The following TXNRD1 variants were observed in gnomAD, a reference collection of about 807,000 sequenced individuals.
The protein encoded by TXNRD1 is thioredoxin reductase 1, also known as thioredoxin reductase 1, cytoplasmic.
TXNRD1 carries 57 observed loss-of-function variants against 80.3 expected under a neutral mutation model. That is an observed-to-expected ratio of 0.71 (90% CI 0.57 to 0.89). TXNRD1 has a LOEUF of 0.89. Among genes scored for constraint, TXNRD1 ranks in the 40% least tolerant of loss-of-function variants. TXNRD1 has a pLI of 0.00. For missense variants in TXNRD1, 730 were observed against 803.0 expected, an observed-to-expected ratio of 0.91 and a Z score of 1.10; for synonymous variants, 291 against 285.2, an observed-to-expected ratio of 1.02 and a Z score of -0.20.
At chr12:104,280,515 G>A (rs934948930) in intron 3 of TXNRD1, 3 of 152,142 alleles carry the variant, frequency 2.0e-5, no homozygotes, top group Non-Finnish European at 4.4e-5. Flanking sequence ...ATTTCATCTA[G>A]TCCCATGGAG....
At chr12:104,245,549 T>C (rs117567389) in intron 1 of TXNRD1, among the ~76,000 whole-genome samples, 3,387 of 62,500 alleles carry the variant, frequency 0.054, 127 homozygotes, top group East Asian at 0.21. Flanking sequence ...AAAAGAATAC[T>C]GAGTTAAAAG....
rs2035453525 is a variant in TXNRD1 at position 104,319,467 on chromosome 12, T to C, written c.874-3T>C. The C allele has an allele frequency of 6.4e-7, 1 of 1,555,556 alleles. No homozygotes were observed. The highest frequency in any genetic ancestry group is 1.4e-5 in the African/African-American group (1 of 73,620). On this transcript the variant is annotated splice_region_variant and splice_polypyrimidine_tract_variant and intron_variant, in intron 8 of 16. Transcript: ENST00000525566. Reference sequence around the variant, plus strand: ...TAAGGTTTTCATATTGGTTCCTTTGTAGGCAACAAATAATAAAGGCAAAGA... The same window carrying C: ...TAAGGTTTTCATATTGGTTCCTTTGCAGGCAACAAATAATAAAGGCAAAGA...
chr12:104,306,356 T>A (rs1232213208), intron 4 of TXNRD1, among the ~76,000 whole-genome samples: 5 of 152,238 alleles, frequency 3.3e-5, no homozygotes, highest in Non-Finnish European at 7.3e-5. Context: ...TGCCAAAAGT[T>A]TGGGTCATTA....
rs190444436 is a variant in TXNRD1 at position 104,348,763 on chromosome 12, G to A, written c.*342G>A. On this transcript the variant is annotated 3_prime_UTR_variant, in exon 17 of 17. Transcript: ENST00000525566. ...TTTCCTTGTGGATTTTCTTATTCTC[G>A]TTGTCAAGTTTTCTAGGGTTGAATT... The A allele has an allele frequency of 4.9e-4, 120 of 243,840 alleles. 1 individual carries two copies. Among genetic ancestry groups the A allele is most frequent in the African/African-American group, 1.6e-3 (71 of 44,542 alleles). 15.1% of individuals were successfully genotyped at this position (243,840 alleles called of 1,614,324 possible).
At chr12:104,287,514 T>A (rs915817252) in intron 3 of TXNRD1, 1 of 1,598,496 alleles carries the variant, frequency 6.3e-7, no homozygotes, top group African/African-American at 1.3e-5. Flanking sequence ...CTTGAGAATA[T>A]TAAGAAAGTA....
At chr12:104,232,910 A>G (rs2135685203) in intron 1 of TXNRD1, among the ~76,000 whole-genome samples, 1 of 152,330 alleles carries the variant, frequency 6.6e-6, no homozygotes, top group Admixed American at 6.5e-5. Context: ...GCAGTGTCCT[A>G]TCTCCATTGG....
chr12:104,267,655 T>C (rs1415185212), intron 3 of TXNRD1, among the ~76,000 whole-genome samples: 4 of 27,594 alleles, frequency 1.4e-4, no homozygotes, highest in Non-Finnish European at 2.1e-4. Context: ...GTATCTTTCT[T>C]TCTTTCTTTC....
chr12:104,311,373 C>T lies in TXNRD1; in HGVS notation c.498C>T (p.Ile166=), dbSNP rs2035126974. 6.2e-7 allele frequency: 1 copy of T among 1,613,606 alleles called. No homozygotes were observed. The highest frequency in any genetic ancestry group is 2.2e-5 in the East Asian group (1 of 44,874). The change falls in exon 5 of 17, where the codon ATC becomes ATT. Residue 166 remains isoleucine (I), a synonymous_variant. Transcript: ENST00000525566. ...DLPKSYDYDL[I]IIGGGSGGLA... Reference sequence around the variant, plus strand: ...CCAAGTCCTATGACTATGACCTTATCATCATTGGAGGTGGCTCAGGAGGTC... The same window carrying T: ...CCAAGTCCTATGACTATGACCTTATTATCATTGGAGGTGGCTCAGGAGGTC...
chr12:104,303,841 C>A, intron 4 of TXNRD1: 1 of 1,438,696 alleles, frequency 7.0e-7, no homozygotes. Flanking sequence ...AAAAAGCTTC[C>A]CGGAAGGGAG....
intron 1 of TXNRD1, among the ~76,000 whole-genome samples, chr12:104,230,446 T>TA (rs1254616535): frequency 6.6e-6 from 1 of 152,192 alleles, no homozygotes; most frequent in Non-Finnish European, 1.5e-5. Context: ...AGCAATGTAT[T>TA]AGAGTTCCAA....
intron 3 of TXNRD1, among the ~76,000 whole-genome samples, chr12:104,259,182 C>G (rs969114419): frequency 1.3e-5 from 2 of 151,992 alleles, no homozygotes; most frequent in Admixed American, 6.6e-5. Flanking sequence ...AGTTTGAGAC[C>G]AGCCTGGCCA....
Position 104,339,393 on chromosome 12 carries a change from G to A in TXNRD1, c.1881+120G>A, listed in dbSNP as rs574358394. On this transcript the variant is annotated intron_variant, in intron 16 of 16. Coordinates refer to ENST00000525566, the MANE Select transcript of TXNRD1 (RefSeq NM_001093771.3). ...GTTTGATGATGATTCCTCAAAAGAG[G>A]GCTTTGTCTCTAAAAATTAGTTTTT... 19 of 1,373,460 alleles carry A rather than the reference G, an allele frequency of 1.4e-5. No individual in the cohort carries two copies. In the African/African-American group the frequency reaches 2.3e-4, roughly 16 times the overall value. The allele number at this position is 1,373,460 out of a possible 1,614,324, so 85.1% of individuals were successfully genotyped here. A position where few individuals can be genotyped will look rare whatever the true frequency, so the allele number is the denominator to read the frequency against.
At chr12:104,294,618 G>A (rs1181895287) in intron 4 of TXNRD1, among the ~76,000 whole-genome samples, 1 of 152,102 alleles carries the variant, frequency 6.6e-6, no homozygotes, top group African/African-American at 2.4e-5. Context: ...ATATTATACT[G>A]GAACAGCTCG....
intron 3 of TXNRD1, among the ~76,000 whole-genome samples, chr12:104,271,210 G>C (rs181083308): frequency 2.7e-4 from 35 of 128,828 alleles, no homozygotes; most frequent in African/African-American, 9.9e-4. Flanking sequence ...TTGTGAGACG[G>C]AGTCTCGCTC....
At chr12:104,343,805 A>C (rs2036404326) in intron 16 of TXNRD1, among the ~76,000 whole-genome samples, 1 of 151,064 alleles carries the variant, frequency 6.6e-6, no homozygotes, top group Non-Finnish European at 1.5e-5. Flanking sequence ...TCTCAAAAAA[A>C]AAAAATAAAA....
chr12:104,327,715 T>C lies in TXNRD1; in HGVS notation c.1542+44T>C, dbSNP rs752444459. On this transcript the variant is annotated intron_variant, in intron 13 of 16. Transcript: ENST00000525566. ...GCCCATTAGATACTGTTGTCAGTAA[T>C]ACTCCCAGTTCCTTATTTAGGGGGC... is the stretch of plus-strand genomic sequence containing the variant. 3 of 1,595,408 alleles carry C rather than the reference T, an allele frequency of 1.9e-6. No individual in the cohort carries two copies. In the Admixed American group the frequency reaches 5.1e-5, roughly 27 times the overall value.
chr12:104,319,727 G>C (rs2035463509), intron 9 of TXNRD1, 142 bp downstream of exon 9: 12 of 663,436 alleles, frequency 1.8e-5, no homozygotes, highest in Non-Finnish European at 3.2e-5. Context: ...GCAGGGGTTT[G>C]GGAGAAAGAG....
intron 6 of TXNRD1, among the ~76,000 whole-genome samples, 184 bp from the exon 7 acceptor site, chr12:104,315,593 T>G (rs1247661322): frequency 1.3e-5 from 2 of 152,188 alleles, no homozygotes; most frequent in Non-Finnish European, 2.9e-5. Flanking sequence ...GTTACCGTGT[T>G]TGGTATGTAA....
rs961467432 is a variant in TXNRD1 at position 104,349,284 on chromosome 12, A to G, written c.*863A>G. 6 of 152,238 alleles carry G rather than the reference A, an allele frequency of 3.9e-5. No individual in the cohort carries two copies. Among genetic ancestry groups the G allele is most frequent in the African/African-American group, 1.4e-4 (6 of 41,456 alleles). 9.4% of individuals were successfully genotyped at this position (152,238 alleles called of 1,614,324 possible). On this transcript the variant is annotated 3_prime_UTR_variant, in exon 17 of 17. Coordinates refer to ENST00000525566, the MANE Select transcript of TXNRD1 (RefSeq NM_001093771.3). ...GTCTAAGCAAGCTGAGATCATTTGC[A>G]ATGGAAAACACGTAACTTGTTTAAA...
Sources: allele counts gnomAD v4.1 joint callset (sites outside exome capture counted in the v4.1 genomes callset), GRCh38; gene constraint gnomAD v4.1.1; transcripts MANE v1.5; gene names NCBI Gene and HGNC (gene_info 2026-07-23, HGNC 2026-07-21).